AGBL4: variants seen among roughly 807,000 people sequenced by gnomAD.
The protein encoded by AGBL4 is AGBL carboxypeptidase 4.
A neutral mutation model predicts 66.4 loss-of-function variants in AGBL4; 58 were observed. The ratio of observed to expected loss-of-function variants is 0.87; its 90% CI spans 0.71 to 1.09. The LOEUF is 1.09. Among genes scored for constraint, AGBL4 ranks in the 50% least tolerant of loss-of-function variants. AGBL4 has a pLI of 0.00. For missense variants in AGBL4, 579 were observed against 631.0 expected (o/e 0.92, Z 0.88); for synonymous variants, 234 against 222.9 (o/e 1.05, Z -0.44).
At chr1:48,840,207 CT>C (rs1350673448) in intron 6 of AGBL4, among the ~76,000 whole-genome samples, 1 of 152,140 alleles carries the variant, frequency 6.6e-6, no homozygotes, top group African/African-American at 2.4e-5. Context: ...CCCACTTCTC[CT>C]GGCTTAAATC....
intron 6 of AGBL4, among the ~76,000 whole-genome samples, chr1:48,808,287 T>C (rs1645973018): frequency 6.6e-6 from 1 of 152,234 alleles, no homozygotes; most frequent in Admixed American, 6.5e-5. Flanking sequence ...ATTTACTGTG[T>C]TAGGCATTAT....
chr1:49,565,528 G>T (rs1230296406), intron 3 of AGBL4, among the ~76,000 whole-genome samples: 2 of 152,122 alleles, frequency 1.3e-5, no homozygotes, highest in Non-Finnish European at 2.9e-5. Flanking sequence ...GCATTTGCTT[G>T]TCTGTAAAGG....
intron 3 of AGBL4, among the ~76,000 whole-genome samples, chr1:49,546,088 C>T (rs1395307569): frequency 6.6e-6 from 1 of 152,082 alleles, no homozygotes; most frequent in African/African-American, 2.4e-5. Context: ...GCCTTTGCGT[C>T]CTCATAGCTT....
intron 3 of AGBL4, among the ~76,000 whole-genome samples, chr1:49,580,250 G>A (rs1481696730): frequency 2.6e-5 from 4 of 152,100 alleles, no homozygotes; most frequent in African/African-American, 9.7e-5. Context: ...GTCGGATCAA[G>A]TTTTTTTAAA....
chr1:49,008,742 T>C (rs1200914531), intron 5 of AGBL4, among the ~76,000 whole-genome samples: 1 of 139,924 alleles, frequency 7.1e-6, no homozygotes. Flanking sequence ...ACCGCTCAAC[T>C]ACATGGAAAC....
intron 2 of AGBL4, among the ~76,000 whole-genome samples, chr1:49,835,918 T>C (rs1160430085): frequency 6.6e-6 from 1 of 152,198 alleles, no homozygotes; most frequent in Non-Finnish European, 1.5e-5. Context: ...CTTCTGGTTC[T>C]GGCTTCTAGG....
At position 48,828,582 on chromosome 1, in the gene AGBL4, T is replaced by G. The variant is rs536046800; in HGVS notation, c.634+38609A>C. On this transcript the variant is annotated intron_variant, in intron 6 of 13. Coordinates refer to ENST00000371839, the MANE Select transcript of AGBL4 (RefSeq NM_032785.4). ...TTGGAGTGATTTTTTTTCTTGGTTA[T>G]GTACTGACTGATACATTCAGATTTA... 2.0e-5 allele frequency among the ~76,000 whole-genome samples: 3 copies of G among 152,338 alleles called. No homozygotes were observed. The East Asian group carries it at 5.8e-4, about 29-fold the overall frequency.
intron 3 of AGBL4, among the ~76,000 whole-genome samples, chr1:49,341,693 G>T (rs1191788748): frequency 1.3e-5 from 2 of 152,140 alleles, no homozygotes; most frequent in South Asian, 4.1e-4. Context: ...ATCATAGGAC[G>T]TGAGAAACTT....
chr1:48,630,151 C>T (rs1387710217), intron 9 of AGBL4, among the ~76,000 whole-genome samples: 4 of 152,160 alleles, frequency 2.6e-5, no homozygotes, highest in African/African-American at 7.2e-5. Context: ...CTCAGATCAA[C>T]GGTAGTCCTC....
At chr1:49,869,718 A>T (rs534719161) in intron 1 of AGBL4, among the ~76,000 whole-genome samples, 1 of 152,230 alleles carries the variant, frequency 6.6e-6, no homozygotes, top group Non-Finnish European at 1.5e-5. Context: ...TACATAACAA[A>T]CCCGCACATC....
chr1:49,531,514 C>T (rs1457365427), intron 3 of AGBL4, among the ~76,000 whole-genome samples: 2 of 152,048 alleles, frequency 1.3e-5, no homozygotes, highest in African/African-American at 4.8e-5. Flanking sequence ...CATAAACTTA[C>T]AATAATTGTG....
chr1:49,475,406 T>C (rs552781640), intron 3 of AGBL4, among the ~76,000 whole-genome samples: 11 of 152,098 alleles, frequency 7.2e-5, no homozygotes, highest in African/African-American at 2.6e-4. Context: ...TTTTGTTTTG[T>C]CTTTGCCAGA....
intron 6 of AGBL4, among the ~76,000 whole-genome samples, chr1:48,793,715 A>G (rs1014683358): frequency 6.6e-6 from 1 of 152,192 alleles, no homozygotes; most frequent in Non-Finnish European, 1.5e-5. Context: ...TATAAAGGGG[A>G]ATGACTGACA....
intron 3 of AGBL4, among the ~76,000 whole-genome samples, chr1:49,325,342 C>T (rs1255992658): frequency 6.6e-6 from 1 of 152,124 alleles, no homozygotes; most frequent in Non-Finnish European, 1.5e-5. Flanking sequence ...TCTTTAGTGG[C>T]AGCCCATTAC....
intron 5 of AGBL4, among the ~76,000 whole-genome samples, chr1:48,975,175 A>C (rs559196831): frequency 6.6e-6 from 1 of 152,302 alleles, no homozygotes; most frequent in African/African-American, 2.4e-5. Context: ...TCCCCTCCAA[A>C]GTGAAAAATA....
chr1:48,900,751 C>T (rs529409804), intron 5 of AGBL4, among the ~76,000 whole-genome samples: 1 of 152,254 alleles, frequency 6.6e-6, no homozygotes, highest in East Asian at 1.9e-4. Flanking sequence ...GGCACATAGT[C>T]CTAAATGTAA....
intron 6 of AGBL4, chr1:48,776,710 T>C (rs1462536050): frequency 6.6e-7 from 1 of 1,522,018 alleles, no homozygotes; most frequent in Non-Finnish European, 8.8e-7. Flanking sequence ...CGGGCCCCGG[T>C]ACACGGCGTA....
intron 3 of AGBL4, among the ~76,000 whole-genome samples, chr1:49,475,035 C>T (rs986174521): frequency 5.3e-5 from 8 of 151,902 alleles, no homozygotes; most frequent in African/African-American, 1.9e-4. Context: ...AGAAATGTTT[C>T]CAGTTTTTGC....
At chr1:49,042,595 C>T (rs10749682) in intron 5 of AGBL4, among the ~76,000 whole-genome samples, 102,503 of 151,940 alleles carry the variant, frequency 0.67, 35,090 homozygotes, top group African/African-American at 0.75. Context: ...AATACAGATA[C>T]GATGGTAGAA....
Sources: allele counts gnomAD v4.1 joint callset (sites outside exome capture counted in the v4.1 genomes callset), GRCh38; gene constraint gnomAD v4.1.1; transcripts MANE v1.5; gene names NCBI Gene and HGNC (gene_info 2026-07-23, HGNC 2026-07-21).